The following PACS1 variants were observed in gnomAD, a reference collection of about 807,000 sequenced individuals.
PACS1 encodes phosphofurin acidic cluster sorting protein 1.
PACS1 carries 24 observed loss-of-function variants against 115.0 expected under a neutral mutation model. The ratio of observed to expected loss-of-function variants is 0.21; its 90% CI spans 0.15 to 0.29. The LOEUF is 0.29. Among genes scored for constraint, PACS1 ranks in the 10% least tolerant of loss-of-function variants. The pLI, the probability that PACS1 is intolerant of heterozygous loss-of-function variation, is 1.00. For synonymous variants in PACS1, 453 were observed against 504.5 expected (o/e 0.90, Z 1.37); for missense variants, 838 against 1,251.2 (o/e 0.67, Z 4.98).
At chr11:66,232,603 C>T (rs895326449) in intron 14 of PACS1, among the ~76,000 whole-genome samples, 3 of 152,234 alleles carry the variant, frequency 2.0e-5, no homozygotes, top group Non-Finnish European at 4.4e-5. Flanking sequence ...TAGAGAAGCA[C>T]CCGGCTGTAA....
intron 1 of PACS1, among the ~76,000 whole-genome samples, chr11:66,143,656 T>G (rs112351547): frequency 2.4e-4 from 37 of 152,298 alleles, no homozygotes; most frequent in African/African-American, 8.7e-4. Context: ...TCTTGTTTTT[T>G]TAAGACAGAG....
At chr11:66,099,513 C>T (rs189934611) in intron 1 of PACS1, among the ~76,000 whole-genome samples, 136 of 152,122 alleles carry the variant, frequency 8.9e-4, no homozygotes, top group Non-Finnish European at 1.9e-3. Context: ...CATAAGCCAC[C>T]GTGCCCAGCC....
intron 1 of PACS1, among the ~76,000 whole-genome samples, chr11:66,173,313 C>A (rs1250002309): frequency 6.6e-6 from 1 of 152,146 alleles, no homozygotes; most frequent in Admixed American, 6.5e-5. Context: ...CAATTATTTT[C>A]TTTCAGCATA....
chr11:66,232,231 C>T lies in PACS1; in HGVS notation c.1686C>T (p.Leu562=). The T allele has an allele frequency of 1.2e-6, 2 of 1,613,554 alleles. No homozygotes were observed. The highest frequency in any genetic ancestry group is 1.1e-5 in the South Asian group (1 of 91,074). ...AGATCCTGGTGTCAGATGCAGCCCTCCCAGAAAATGTCATTCTGGTGAACA... is the reference window on the plus strand; with the variant it reads ...AGATCCTGGTGTCAGATGCAGCCCTTCCAGAAAATGTCATTCTGGTGAACA... ...LNQILVSDAA[L]PENVILVNTT... Residue 562 remains leucine (L), a synonymous_variant, in exon 14 of 24, where the codon CTC becomes CTT. Transcript: ENST00000320580.
chr11:66,203,907 G>T (rs1331895629), intron 2 of PACS1, among the ~76,000 whole-genome samples: 1 of 152,058 alleles, frequency 6.6e-6, no homozygotes, highest in Non-Finnish European at 1.5e-5. Context: ...ACTACTAAAA[G>T]AAAACATTTT....
chr11:66,139,560 G>A (rs1404453075), intron 1 of PACS1, among the ~76,000 whole-genome samples: 6 of 142,914 alleles, frequency 4.2e-5, no homozygotes, highest in Admixed American at 3.6e-4. Flanking sequence ...GAGTTTAATT[G>A]TATTAATTTT....
At position 66,220,773 on chromosome 11, in the gene PACS1, C is replaced by T. The variant is rs1179215624; in HGVS notation, c.1181C>T (p.Thr394Met). 1.2e-6 allele frequency: 2 copies of T among 1,613,978 alleles called. No individual in the cohort carries two copies. Among genetic ancestry groups the T allele is most frequent in the Non-Finnish European group, 8.5e-7 (1 of 1,179,962 alleles). Residue 394 changes from threonine to methionine, a missense_variant, in exon 9 of 24, where the codon ACG becomes ATG. Thr to Met is a moderately conservative substitution (Grantham distance 81). Transcript: ENST00000320580. ...EMEETESILS[T>M]PKPKLKPFFE... ...GAGGAGACAGAAAGCATCCTCAGCA[C>T]GCCAAAGCCCAAGCTCAAGTGAGCC...
At chr11:66,157,646 T>C (rs1333400022) in intron 1 of PACS1, among the ~76,000 whole-genome samples, 1 of 152,050 alleles carries the variant, frequency 6.6e-6, no homozygotes, top group Non-Finnish European at 1.5e-5. Flanking sequence ...CAAGTTGAAG[T>C]CTGCATATTC....
At chr11:66,117,678 C>A (rs564196875) in intron 1 of PACS1, among the ~76,000 whole-genome samples, 17 of 151,942 alleles carry the variant, frequency 1.1e-4, no homozygotes, top group African/African-American at 4.1e-4. Flanking sequence ...GAAACCCCAT[C>A]TCTACTAAAA....
At chr11:66,188,736 C>G (rs1854448764) in intron 1 of PACS1, among the ~76,000 whole-genome samples, 1 of 152,148 alleles carries the variant, frequency 6.6e-6, no homozygotes, top group Non-Finnish European at 1.5e-5. Context: ...TACTTCGTTA[C>G]AATGTCTTGC....
At chr11:66,186,301 G>A (rs536292975) in intron 1 of PACS1, among the ~76,000 whole-genome samples, 10 of 150,636 alleles carry the variant, frequency 6.6e-5, no homozygotes, top group Admixed American at 1.3e-4. Flanking sequence ...GCCACATCTT[G>A]CGTATGGTTT....
intron 1 of PACS1, among the ~76,000 whole-genome samples, chr11:66,075,599 G>A (rs562125791): frequency 2.0e-5 from 3 of 152,298 alleles, no homozygotes; most frequent in South Asian, 4.1e-4. Flanking sequence ...ATTCTTAGAT[G>A]TGGATGAAAT....
At chr11:66,180,272 T>C (rs1273031995) in intron 1 of PACS1, among the ~76,000 whole-genome samples, 4 of 152,190 alleles carry the variant, frequency 2.6e-5, no homozygotes, top group Admixed American at 2.6e-4. Context: ...CCACCAGCTT[T>C]TTTGGTTGAT....
chr11:66,122,615 T>A (rs1249105374), intron 1 of PACS1, among the ~76,000 whole-genome samples: 1 of 152,172 alleles, frequency 6.6e-6, no homozygotes, highest in African/African-American at 2.4e-5. Flanking sequence ...AACAGGAGTT[T>A]GAAAGAAGTC....
At chr11:66,129,821 G>T (rs1401780279) in intron 1 of PACS1, among the ~76,000 whole-genome samples, 1 of 152,072 alleles carries the variant, frequency 6.6e-6, no homozygotes, top group African/African-American at 2.4e-5. Flanking sequence ...CTTGAATTTT[G>T]TGATGTTTGT....
At chr11:66,230,326 G>A (rs1640879767) in intron 11 of PACS1, 2 of 555,588 alleles carry the variant, frequency 3.6e-6, no homozygotes, top group Non-Finnish European at 6.5e-6. Flanking sequence ...GATATTTACT[G>A]GATTGCAGCA....
chr11:66,087,083 A>G (rs371652331), intron 1 of PACS1, among the ~76,000 whole-genome samples: 33 of 152,224 alleles, frequency 2.2e-4, no homozygotes, highest in African/African-American at 7.7e-4. Flanking sequence ...AAGAAACAAC[A>G]TTACCAACGC....
In PACS1 at chr11:66,239,208, G is replaced by T; in HGVS notation, c.2360G>T (p.Gly787Val). ...VPSTSPPSSS[G>V]LSRDATATPP... The stretch of plus-strand genomic sequence containing the variant: ...TCCACATCACCACCCTCCAGCTCGG[G>T]CCTGAGCCGAGACGCCACGGCCACC... The change falls in exon 21 of 24, where the codon GGC becomes GTC. Residue 787 changes from glycine to valine, a missense_variant. Gly to Val is a moderately radical substitution (Grantham distance 109). Around this residue, in one of 6 missense-constraint regions of PACS1, gnomAD observed 383 missense variants for 537.0 expected, o/e 0.71. Transcript: ENST00000320580. The T allele has an allele frequency of 1.2e-6, 2 of 1,614,000 alleles. No individual in the cohort carries two copies. The highest frequency in any genetic ancestry group is 8.5e-7 in the Non-Finnish European group (1 of 1,180,010).
chr11:66,221,092 C>G lies in PACS1; in HGVS notation c.1200-62C>G, dbSNP rs889333879. 6.1e-6 allele frequency: 9 copies of G among 1,485,092 alleles called. No individual in the cohort carries two copies. The Middle Eastern group carries it at 5.1e-4, about 85-fold the overall frequency. 92.0% of individuals were successfully genotyped at this position (1,485,092 alleles called of 1,614,324 possible). ...CACCCTGAATGCCAGCTCCATTCAACTCTCCCAGCATGCTGTTCTGAGCCC... is the reference window on the plus strand; with the variant it reads ...CACCCTGAATGCCAGCTCCATTCAAGTCTCCCAGCATGCTGTTCTGAGCCC... On this transcript the variant is annotated intron_variant, in intron 9 of 23. Coordinates refer to ENST00000320580, the MANE Select transcript of PACS1 (RefSeq NM_018026.4).
Sources: gnomAD v4.1 joint callset for allele counts (sites outside exome capture counted in the v4.1 genomes callset) on GRCh38, gnomAD v4.1.1 for gene constraint, gnomAD v4.1.1 regional missense constraint, MANE v1.5 for transcripts, NCBI Gene and HGNC (gene_info 2026-07-23, HGNC 2026-07-21) for gene names.